GSE1: variants seen among roughly 807,000 people sequenced by gnomAD.
GSE1 encodes Gse1 coiled-coil protein.
Under a neutral mutation model 112.6 loss-of-function variants are expected in GSE1, and 32 were observed. The ratio of observed to expected loss-of-function variants is 0.28; its 90% CI spans 0.21 to 0.38. GSE1 has a LOEUF of 0.38. GSE1 is among the 10% of genes least tolerant of loss of function. The pLI, the probability that GSE1 is intolerant of heterozygous loss-of-function variation, is 1.00. For synonymous variants in GSE1, 1,115 were observed against 735.6 expected, an observed-to-expected ratio of 1.52 and a Z score of -8.35; for missense variants, 2,348 against 1,699.2, an observed-to-expected ratio of 1.38 and a Z score of -6.71.
chr16:85,295,527 T>TG (rs996915896), intron 1 of GSE1, among the ~76,000 whole-genome samples: 4 of 152,190 alleles, frequency 2.6e-5, no homozygotes, highest in African/African-American at 9.6e-5. Context: ...CAGAAGGTCT[T>TG]GTGTGAAGCC....
chr16:85,401,631 G>A (rs2151672169), intron 2 of GSE1, among the ~76,000 whole-genome samples: 1 of 152,312 alleles, frequency 6.6e-6, no homozygotes, highest in African/African-American at 2.4e-5. Context: ...GGCCAGGGTG[G>A]GGTCCCCAGG....
At chr16:85,460,443 C>A (rs1270693020) in intron 2 of GSE1, among the ~76,000 whole-genome samples, 2 of 152,224 alleles carry the variant, frequency 1.3e-5, no homozygotes, top group Non-Finnish European at 2.9e-5. Context: ...GACGATTTGG[C>A]CTTGGAAACC....
intron 1 of GSE1, among the ~76,000 whole-genome samples, chr16:85,228,721 G>A (rs933635023): frequency 6.6e-6 from 1 of 152,176 alleles, no homozygotes. Flanking sequence ...GATCTGCCGT[G>A]GCTGGGTGGC....
intron 1 of GSE1, among the ~76,000 whole-genome samples, chr16:85,336,599 C>T (rs2046490914): frequency 6.6e-6 from 1 of 150,978 alleles, no homozygotes; most frequent in African/African-American, 2.4e-5. Flanking sequence ...CACATGCCCT[C>T]ACAATTTTTT....
intron 1 of GSE1, among the ~76,000 whole-genome samples, chr16:85,256,597 C>T (rs575473439): frequency 2.0e-4 from 30 of 152,366 alleles, no homozygotes; most frequent in African/African-American, 6.7e-4. Flanking sequence ...CCTTGGCTTA[C>T]GCTGTATTTC....
chr16:85,297,065 G>A (rs1439284327), intron 1 of GSE1, among the ~76,000 whole-genome samples: 2 of 152,204 alleles, frequency 1.3e-5, no homozygotes, highest in African/African-American at 4.8e-5. Context: ...ACAGTGTGGG[G>A]CAAGGGGGAT....
At chr16:85,663,320 C>T in intron 10 of GSE1, 24 bp from the exon 11 acceptor site, 1 of 1,612,550 alleles carries the variant, frequency 6.2e-7, no homozygotes, top group Non-Finnish European at 8.5e-7. Context: ...GCTTCAAACT[C>T]ATTTGTTTTC....
intron 1 of GSE1, among the ~76,000 whole-genome samples, chr16:85,606,403 G>A (rs1346136297): frequency 6.6e-6 from 1 of 152,240 alleles, no homozygotes; most frequent in Admixed American, 6.5e-5. Context: ...AGTGATGCCA[G>A]CCTGCAGGGC....
intron 1 of GSE1, among the ~76,000 whole-genome samples, chr16:85,264,544 G>A (rs557139212): frequency 1.1e-4 from 17 of 152,286 alleles, no homozygotes; most frequent in African/African-American, 4.1e-4. Flanking sequence ...CTGGAACTGA[G>A]GTCTAAGAAT....
chr16:85,341,732 C>G (rs368450721), intron 1 of GSE1, among the ~76,000 whole-genome samples: 3 of 152,120 alleles, frequency 2.0e-5, no homozygotes, highest in South Asian at 4.1e-4. Context: ...ACTCCTGGCC[C>G]TAAGCAATCC....
chr16:85,675,548 G>A lies in GSE1; in HGVS notation c.*3009G>A, dbSNP rs921395464. On this transcript the variant is annotated 3_prime_UTR_variant, in exon 16 of 16. Transcript: ENST00000253458. ...GGTTGCACCCTTAAGAGTATTCAGA[G>A]AGCATCAAAAGGAGCCCACACCTTC... 2.0e-5 allele frequency: 3 copies of A among 152,206 alleles called. No homozygotes were observed. The East Asian group carries it at 5.8e-4, about 29-fold the overall frequency. The allele number at this position is 152,206 out of a possible 1,614,324, so 9.4% of individuals were successfully genotyped here. A position where few individuals can be genotyped will look rare whatever the true frequency, so the allele number is the denominator to read the frequency against.
intron 1 of GSE1, among the ~76,000 whole-genome samples, chr16:85,215,449 A>G (rs1381507891): frequency 6.6e-6 from 1 of 152,210 alleles, no homozygotes; most frequent in Non-Finnish European, 1.5e-5. Context: ...CACCTTAGAT[A>G]CAGTGTACGC....
Position 85,663,425 on chromosome 16 carries a change from CGGA to C in GSE1, c.2459_2461del (p.Arg820del). On this transcript the variant is annotated inframe_deletion, in exon 11 of 16. Transcript: ENST00000253458. ...GGTGGCCCAGAAGCGGAGGAAGCGGCGGAGGATGCTGCGAGAGAGAAGCCCGTC... is the reference window on the plus strand; with the variant it reads ...GGTGGCCCAGAAGCGGAGGAAGCGGCGGATGCTGCGAGAGAGAAGCCCGTC... 6.2e-7 allele frequency: 1 copy of C among 1,613,868 alleles called. No homozygotes were observed. The highest frequency in any genetic ancestry group is 8.5e-7 in the Non-Finnish European group (1 of 1,180,020).
At chr16:85,417,545 A>T (rs950020548) in intron 2 of GSE1, among the ~76,000 whole-genome samples, 4 of 152,160 alleles carry the variant, frequency 2.6e-5, no homozygotes, top group African/African-American at 9.7e-5. Flanking sequence ...TAGGAAGCTC[A>T]CCTCTACCAC....
intron 2 of GSE1, among the ~76,000 whole-genome samples, chr16:85,447,446 C>G (rs978083162): frequency 6.6e-6 from 1 of 152,222 alleles, no homozygotes; most frequent in Non-Finnish European, 1.5e-5. Context: ...ATCTGAAAAA[C>G]GGGGCAGTTA....
At chr16:85,655,607 T>C (rs2051850818) in intron 5 of GSE1, 119 bp from the exon 6 acceptor site, 1 of 640,344 alleles carries the variant, frequency 1.6e-6, no homozygotes, top group Non-Finnish European at 2.7e-6. Flanking sequence ...TCCCCAGCCA[T>C]TTTGTCACGT....
At chr16:85,171,044 C>G (rs1355636716) in exon 1 of GSE1, 2 of 985,680 alleles carry the variant, frequency 2.0e-6, no homozygotes, top group African/African-American at 1.7e-5. Context: ...GCCAGGAGCG[C>G]CATGCATTTC....
intron 2 of GSE1, among the ~76,000 whole-genome samples, chr16:85,479,808 A>G (rs1461854934): frequency 6.6e-6 from 1 of 152,108 alleles, no homozygotes; most frequent in Admixed American, 6.5e-5. Flanking sequence ...CCTTCACAGA[A>G]GCCCAAGCAG....
chr16:85,479,669 A>C lies in GSE1; in HGVS notation c.2464+122026A>C, dbSNP rs566855736. Reference sequence around the variant, plus strand: ...GAGTGTCGAGGTTTTTAGCTCACCAACCCTTCTCTGTGCAGGAAACCTCCT... The same window carrying C: ...GAGTGTCGAGGTTTTTAGCTCACCACCCCTTCTCTGTGCAGGAAACCTCCT... On this transcript the variant is annotated intron_variant, in intron 2 of 2. Coordinates refer to the GSE1 transcript ENST00000637419. Among the ~76,000 whole-genome samples, 8 of 152,104 alleles carry C rather than the reference A, an allele frequency of 5.3e-5. No individual in the cohort carries two copies. In the East Asian group the frequency reaches 1.5e-3, roughly 29 times the overall value.
Sources: gnomAD v4.1 joint callset for allele counts (sites outside exome capture counted in the v4.1 genomes callset) on GRCh38, gnomAD v4.1.1 for gene constraint, MANE v1.5 for transcripts, NCBI Gene and HGNC (gene_info 2026-07-23, HGNC 2026-07-21) for gene names.